SUCLG2: variants seen among roughly 807,000 people sequenced by gnomAD.
The protein encoded by SUCLG2 is succinate-CoA ligase GDP-forming subunit beta.
A neutral mutation model predicts 47.9 loss-of-function variants in SUCLG2; 42 were observed. That is an observed-to-expected ratio of 0.88 (90% CI 0.69 to 1.14). The LOEUF is 1.14. SUCLG2 is among the 50% of genes most tolerant of loss of function. The pLI, the probability that SUCLG2 is intolerant of heterozygous loss-of-function variation, is 0.00. For synonymous variants in SUCLG2, 195 were observed against 197.3 expected, an observed-to-expected ratio of 0.99 and a Z score of 0.10; for missense variants, 571 against 525.9, an observed-to-expected ratio of 1.09 and a Z score of -0.84.
chr3:67,469,848 C>A (rs1277093753), intron 9 of SUCLG2, among the ~76,000 whole-genome samples: 1 of 151,876 alleles, frequency 6.6e-6, no homozygotes, highest in Non-Finnish European at 1.5e-5. Flanking sequence ...GAGTTCGAGA[C>A]CAGCCTGACC....
exon 11 of SUCLG2, chr3:67,360,466 C>A: frequency 3.0e-6 from 2 of 666,740 alleles, no homozygotes; most frequent in Non-Finnish European, 4.7e-6. Context: ...TACCTGGACA[C>A]AATTCTAAAA....
intron 2 of SUCLG2, among the ~76,000 whole-genome samples, chr3:67,574,925 T>C (rs1449398681): frequency 2.0e-5 from 3 of 152,190 alleles, no homozygotes; most frequent in South Asian, 2.1e-4. Context: ...AGAATTTAGA[T>C]GAATGGTCAG....
chr3:67,623,442 A>G (rs111814567), intron 1 of SUCLG2, among the ~76,000 whole-genome samples: 1 of 152,180 alleles, frequency 6.6e-6, no homozygotes, highest in Non-Finnish European at 1.5e-5. Context: ...CGGTGCTTGC[A>G]GTGAGTGGAG....
In SUCLG2 at chr3:67,393,458, G is replaced by C. The variant is rs974289991; in HGVS notation, c.1183+7273C>G. 2.6e-5 allele frequency among the ~76,000 whole-genome samples: 4 copies of C among 152,288 alleles called. No individual in the cohort carries two copies. The East Asian group carries it at 7.7e-4, about 29-fold the overall frequency. The stretch of plus-strand genomic sequence containing the variant: ...TGAGATCAAACTGCAAGGCGGCAGC[G>C]AGGCTGGGGGAGGGGTGCCTGCCAT... On this transcript the variant is annotated intron_variant, in intron 10 of 10. Coordinates refer to ENST00000307227, the MANE Select transcript of SUCLG2 (RefSeq NM_003848.4).
intron 9 of SUCLG2, among the ~76,000 whole-genome samples, chr3:67,483,028 C>T (rs1704957534): frequency 6.6e-6 from 1 of 152,056 alleles, no homozygotes; most frequent in Admixed American, 6.6e-5. Flanking sequence ...CGGATTTGTA[C>T]CAGATGGCCC....
chr3:67,547,684 A>T (rs1706903973), intron 2 of SUCLG2, among the ~76,000 whole-genome samples: 1 of 152,216 alleles, frequency 6.6e-6, no homozygotes, highest in South Asian at 2.1e-4. Context: ...CCAGAAAAGA[A>T]GATGTCCTAG....
At chr3:67,444,010 T>TGG (rs1331316579) in intron 9 of SUCLG2, among the ~76,000 whole-genome samples, 2 of 84,840 alleles carry the variant, frequency 2.4e-5, no homozygotes, top group Admixed American at 1.3e-4. Context: ...GGGAGGGAGG[T>TGG]GGGGGGGTCA....
At chr3:67,600,302 T>C (rs1005542294) in intron 2 of SUCLG2, among the ~76,000 whole-genome samples, 1 of 152,214 alleles carries the variant, frequency 6.6e-6, no homozygotes, top group Admixed American at 6.5e-5. Flanking sequence ...TGTATTTCTT[T>C]CATGACGGCT....
chr3:67,595,808 C>G (rs1708280502), intron 2 of SUCLG2, among the ~76,000 whole-genome samples: 1 of 152,156 alleles, frequency 6.6e-6, no homozygotes, highest in South Asian at 2.1e-4. Context: ...ACATTTCAGC[C>G]ATTGTATTTT....
intron 10 of SUCLG2, among the ~76,000 whole-genome samples, chr3:67,393,452 G>T (rs1259749303): frequency 6.6e-6 from 1 of 152,156 alleles, no homozygotes; most frequent in Non-Finnish European, 1.5e-5. Context: ...ACTGCAAGGC[G>T]GCAGCGAGGC....
intron 10 of SUCLG2, among the ~76,000 whole-genome samples, chr3:67,381,405 C>A (rs539704499): frequency 6.6e-6 from 1 of 152,186 alleles, no homozygotes; most frequent in African/African-American, 2.4e-5. Flanking sequence ...TTCCCCAACC[C>A]TCTCCCTGCC....
intron 9 of SUCLG2, among the ~76,000 whole-genome samples, chr3:67,428,596 G>A (rs1345771666): frequency 2.0e-5 from 3 of 152,196 alleles, no homozygotes; most frequent in Non-Finnish European, 4.4e-5. Flanking sequence ...AACAGAGAAT[G>A]ACTTTGACGA....
chr3:67,593,678 G>A (rs1389213404), intron 2 of SUCLG2, among the ~76,000 whole-genome samples: 2 of 152,164 alleles, frequency 1.3e-5, no homozygotes, highest in South Asian at 2.1e-4. Flanking sequence ...CAGGGTGACC[G>A]ACTCATCCTG....
At chr3:67,503,890 C>G (rs1705568526) in intron 7 of SUCLG2, among the ~76,000 whole-genome samples, 1 of 152,124 alleles carries the variant, frequency 6.6e-6, no homozygotes, top group Non-Finnish European at 1.5e-5. Context: ...CGATAGAAAA[C>G]ATGACTGGCA....
intron 2 of SUCLG2, among the ~76,000 whole-genome samples, chr3:67,584,582 G>A (rs1165654828): frequency 6.6e-6 from 1 of 152,124 alleles, no homozygotes; most frequent in Admixed American, 6.5e-5. Context: ...TGTTCTTTGT[G>A]TTGCCAAAGA....
intron 9 of SUCLG2, among the ~76,000 whole-genome samples, chr3:67,474,251 C>T (rs932888660): frequency 6.6e-6 from 1 of 151,266 alleles, no homozygotes; most frequent in African/African-American, 2.4e-5. Flanking sequence ...CAGAGGGAGA[C>T]TCCATCTCAA....
At chr3:67,360,497 C>T in exon 11 of SUCLG2, 1 of 937,556 alleles carries the variant, frequency 1.1e-6, no homozygotes. Context: ...GAATGAACAG[C>T]TATAAGCCAT....
intron 2 of SUCLG2, among the ~76,000 whole-genome samples, chr3:67,531,632 C>A (rs1394437127): frequency 6.6e-6 from 1 of 152,164 alleles, no homozygotes; most frequent in Non-Finnish European, 1.5e-5. Flanking sequence ...TAGAAAAAGA[C>A]AACAACCTAC....
chr3:67,487,793 C>T (rs917917767), intron 9 of SUCLG2, among the ~76,000 whole-genome samples: 2 of 152,078 alleles, frequency 1.3e-5, no homozygotes, highest in South Asian at 2.1e-4. Context: ...ATGTGAAAAC[C>T]TTAAAATGTG....
Sources: allele counts gnomAD v4.1 joint callset (sites outside exome capture counted in the v4.1 genomes callset), GRCh38; gene constraint gnomAD v4.1.1; transcripts MANE v1.5; gene names NCBI Gene and HGNC (gene_info 2026-07-23, HGNC 2026-07-21).